The following RYR2 variants were observed in gnomAD, a reference collection of about 807,000 sequenced individuals.
The protein encoded by RYR2 is cardiac muscle ryanodine receptor-calcium release channel.
In RYR2, 227 loss-of-function variants were observed where a neutral mutation model predicts 601.1. The observed-to-expected ratio is 0.38, with a 90% CI of 0.34 to 0.42. The LOEUF is 0.42. Ranked by LOEUF, RYR2 falls within the 10% of genes least tolerant of loss-of-function variation. RYR2 has a pLI of 1.00. For missense variants in RYR2, 4,646 were observed against 6,156.5 expected (o/e 0.75, Z 8.21); for synonymous variants, 2,223 against 2,175.1 (o/e 1.02, Z -0.61).
chr1:237,260,906 C>T (rs1441537888), intron 1 of RYR2, among the ~76,000 whole-genome samples: 1 of 152,138 alleles, frequency 6.6e-6, no homozygotes, highest in Non-Finnish European at 1.5e-5. Context: ...TACTAGCATG[C>T]AAACTGAGGA....
At chr1:237,075,334 C>CGG (rs1664888826) in intron 1 of RYR2, among the ~76,000 whole-genome samples, 1 of 151,154 alleles carries the variant, frequency 6.6e-6, no homozygotes, top group Non-Finnish European at 1.5e-5. Context: ...ACGCAGAAGA[C>CGG]GGGTGATTTC....
intron 43 of RYR2, 38 bp from the exon 44 acceptor site, chr1:237,634,851 C>T (rs539661262): frequency 3.4e-5 from 50 of 1,487,706 alleles, no homozygotes; most frequent in African/African-American, 4.2e-5. Context: ...AGTTACAGCA[C>T]GATCCAGGTT....
Position 237,764,501 on chromosome 1 carries a change from T to A in RYR2, c.11476+3473T>A, listed in dbSNP as rs147573516. ...TGTCGCTCTGTCGCCCAGGCTGGAG[T>A]GCAGTGGTGCAGTCTCATCTCACTG... is the stretch of plus-strand genomic sequence containing the variant. On this transcript the variant is annotated intron_variant, in intron 84 of 104. Transcript: ENST00000366574. Among the ~76,000 whole-genome samples, 124 of 148,156 alleles carry A rather than the reference T, an allele frequency of 8.4e-4. 2 individuals are homozygous for A. Among genetic ancestry groups the A allele is most frequent in the African/African-American group, 2.9e-3 (116 of 40,176 alleles).
intron 1 of RYR2, among the ~76,000 whole-genome samples, chr1:237,170,982 C>A (rs548081171): frequency 6.6e-6 from 1 of 152,156 alleles, no homozygotes; most frequent in African/African-American, 2.4e-5. Flanking sequence ...ATGAGGCCAG[C>A]TGGGTGACTT....
intron 3 of RYR2, among the ~76,000 whole-genome samples, chr1:237,338,963 G>T (rs1044843915): frequency 6.6e-6 from 1 of 152,040 alleles, no homozygotes; most frequent in Non-Finnish European, 1.5e-5. Context: ...AAATGGCAGG[G>T]CTAATGACTC....
At chr1:237,082,552 T>TATATATATATATATATATAC (rs1558200717) in intron 1 of RYR2, among the ~76,000 whole-genome samples, 2 of 134,172 alleles carry the variant, frequency 1.5e-5, no homozygotes, top group Non-Finnish European at 3.1e-5. Flanking sequence ...TATATATATA[T>TATATATATATATATATATAC]ATATAAAATC....
At chr1:237,527,246 T>TC (rs1236171612) in intron 24 of RYR2, among the ~76,000 whole-genome samples, 4 of 152,222 alleles carry the variant, frequency 2.6e-5, no homozygotes, top group African/African-American at 9.6e-5. Context: ...CTGGATTTGT[T>TC]CATTTTGCTT....
At chr1:237,185,902 G>T (rs1347640227) in intron 1 of RYR2, among the ~76,000 whole-genome samples, 2 of 152,204 alleles carry the variant, frequency 1.3e-5, no homozygotes, top group Non-Finnish European at 2.9e-5. Context: ...GGACACTTCT[G>T]CCACACAGTC....
intron 24 of RYR2, among the ~76,000 whole-genome samples, chr1:237,514,482 A>G (rs1666221216): frequency 6.6e-6 from 1 of 152,118 alleles, no homozygotes; most frequent in South Asian, 2.1e-4. Context: ...TCTTATAGCT[A>G]GTTTATATGG....
intron 97 of RYR2, among the ~76,000 whole-genome samples, chr1:237,798,820 G>C (rs1225399909): frequency 6.9e-6 from 1 of 145,538 alleles, no homozygotes; most frequent in Non-Finnish European, 1.5e-5. Context: ...TGAGTGTACA[G>C]ATATATACAT....
At chr1:237,731,502 A>G (rs892130415) in intron 77 of RYR2, among the ~76,000 whole-genome samples, 3 of 152,168 alleles carry the variant, frequency 2.0e-5, no homozygotes, top group African/African-American at 7.2e-5. Context: ...AGCAATTTGC[A>G]CTGCTATGGG....
chr1:237,219,329 T>G (rs949765310), intron 1 of RYR2, among the ~76,000 whole-genome samples: 1 of 152,176 alleles, frequency 6.6e-6, no homozygotes, highest in Non-Finnish European at 1.5e-5. Context: ...ATACTTTATG[T>G]TAATCCGTCC....
chr1:237,793,842 T>A (rs555074320), intron 94 of RYR2, 25 bp from the exon 95 acceptor site: 1 of 1,560,564 alleles, frequency 6.4e-7, no homozygotes, highest in South Asian at 1.1e-5. Flanking sequence ...AAACTAATTT[T>A]AACGTATTTA....
At chr1:237,125,118 A>G (rs1414543134) in intron 1 of RYR2, among the ~76,000 whole-genome samples, 4 of 152,192 alleles carry the variant, frequency 2.6e-5, no homozygotes, top group African/African-American at 7.2e-5. Context: ...GGTGGTTGCC[A>G]GAAAGAGGGT....
In RYR2 at chr1:237,831,480, C is replaced by CGTTCATTTCTG. The variant is rs771492600; in HGVS notation, c.14757-33_14757-23dup. ...CCTGTTTATCCTAATATTTCCATACCGTTCATTTCTGATCAGTTTCTCTGT... is the reference window on the plus strand; with the variant it reads ...CCTGTTTATCCTAATATTTCCATACCGTTCATTTCTGGTTCATTTCTGATCAGTTTCTCTGT... On this transcript the variant is annotated intron_variant, in intron 103 of 104. Coordinates refer to ENST00000366574, the MANE Select transcript of RYR2 (RefSeq NM_001035.3). 4 of 1,170,796 alleles carry CGTTCATTTCTG rather than the reference C, an allele frequency of 3.4e-6. No individual in the cohort carries two copies. In the African/African-American group the frequency reaches 6.1e-5, roughly 18 times the overall value. 72.5% of individuals were successfully genotyped at this position (1,170,796 alleles called of 1,614,324 possible). A position where few individuals can be genotyped will look rare whatever the true frequency, so the allele number is the denominator to read the frequency against.
intron 29 of RYR2, among the ~76,000 whole-genome samples, chr1:237,589,530 C>T (rs1285072061): frequency 6.6e-6 from 1 of 152,192 alleles, no homozygotes; most frequent in Admixed American, 6.5e-5. Context: ...GCATTTACTT[C>T]ATCTTACAGA....
intron 4 of RYR2, among the ~76,000 whole-genome samples, chr1:237,362,402 T>C (rs1699850914): frequency 6.6e-6 from 1 of 152,226 alleles, no homozygotes; most frequent in Admixed American, 6.6e-5. Flanking sequence ...TTTGCTAAAC[T>C]TATTGTAAGC....
rs1558527568 is a variant in RYR2 at position 237,268,949 on chromosome 1, A to AAAAAAAAC, written c.49-1541_49-1540insCAAAAAAA. Among the ~76,000 whole-genome samples the AAAAAAAAC allele has an allele frequency of 3.1e-4, 46 of 146,228 alleles. 6 individuals carry two copies. The highest frequency in any genetic ancestry group is 6.2e-4 in the Non-Finnish European group (41 of 65,786). ...GACTCTTGTCTCAAAAAAAAAAAAA[A>AAAAAAAAC]AAAAAAAAAAAAGGAAATAAAGGCA... On this transcript the variant is annotated intron_variant, in intron 1 of 104. Transcript: ENST00000366574.
At chr1:237,393,439 T>C (rs1046253445) in intron 10 of RYR2, among the ~76,000 whole-genome samples, 4 of 152,200 alleles carry the variant, frequency 2.6e-5, no homozygotes, top group African/African-American at 9.6e-5. Context: ...ATTAAATGCC[T>C]CTCCATCTGG....
Sources: gnomAD v4.1 joint callset for allele counts (sites outside exome capture counted in the v4.1 genomes callset) on GRCh38, gnomAD v4.1.1 for gene constraint, MANE v1.5 for transcripts, NCBI Gene and HGNC (gene_info 2026-07-23, HGNC 2026-07-21) for gene names.